The following LRCH2 variants were observed in gnomAD, a reference collection of about 807,000 sequenced individuals.
The protein encoded by LRCH2 is leucine rich repeats and calponin homology domain containing 2.
In LRCH2, 38 loss-of-function variants were observed where a neutral mutation model predicts 68.9. That is an observed-to-expected ratio of 0.55 (90% confidence interval 0.43 to 0.72). The LOEUF is 0.72. LRCH2 is among the 30% of genes least tolerant of loss of function. The pLI is 0.00. For synonymous variants in LRCH2, 191 were observed against 208.1 expected, an observed-to-expected ratio of 0.92 and a Z score of 0.71; for missense variants, 528 against 572.9, an observed-to-expected ratio of 0.92 and a Z score of 0.80.
intron 1 of LRCH2, among the ~76,000 whole-genome samples, chrX:115,193,500 T>C (rs1196218250): frequency 8.9e-6 from 1 of 112,057 alleles, no homozygotes; most frequent in Non-Finnish European, 1.9e-5. Flanking sequence ...ATTCCTCTCC[T>C]AAATTATTGC....
rs1343059040 is a variant in LRCH2, at chrX:115,110,772, C to T, written c.*2444G>A. The T allele has an allele frequency of 8.9e-6, 1 of 112,043 alleles. No individual in the cohort carries two copies. The highest frequency in any genetic ancestry group is 1.9e-5 in the Non-Finnish European group (1 of 53,180). 9.2% of individuals were successfully genotyped at this position (112,043 alleles called of 1,213,427 possible). On this transcript the variant is annotated 3_prime_UTR_variant, in exon 21 of 21. Transcript: ENST00000317135. ...AAATTCAGTTAAAAAAGTCATTAAACTAGCATTCTGTAAAGATAATTATTA... is the reference window on the plus strand; with the variant it reads ...AAATTCAGTTAAAAAAGTCATTAAATTAGCATTCTGTAAAGATAATTATTA...
chrX:115,183,297 C>T (rs1371764186), intron 3 of LRCH2, among the ~76,000 whole-genome samples: 1 of 111,804 alleles, frequency 8.9e-6, no homozygotes, highest in Non-Finnish European at 1.9e-5. Flanking sequence ...AATTTCTGCT[C>T]ATTACATTCT....
intron 7 of LRCH2, 86 bp downstream of exon 7, chrX:115,166,169 A>C (rs782185581): frequency 4.1e-6 from 3 of 739,464 alleles, no homozygotes; most frequent in Non-Finnish European, 6.0e-6. Flanking sequence ...TTCAAGCAAA[A>C]TAAACTCAAG....
At chrX:115,190,709 A>T (rs1556557973) in intron 1 of LRCH2, 1 of 1,077,451 alleles carries the variant, frequency 9.3e-7, no homozygotes. Context: ...GAAGGCCGCT[A>T]TGAGGAGTAC....
chrX:115,171,772 G>A (rs956899913), intron 5 of LRCH2, among the ~76,000 whole-genome samples: 3 of 107,799 alleles, frequency 2.8e-5, no homozygotes, highest in East Asian at 2.9e-4. Flanking sequence ...CTGCACCCTC[G>A]ACATCCTGGG....
chrX:115,183,053 T>C (rs782140141), intron 3 of LRCH2, among the ~76,000 whole-genome samples: 1 of 108,610 alleles, frequency 9.2e-6, no homozygotes, highest in Non-Finnish European at 1.9e-5. Flanking sequence ...CAGTCACGCA[T>C]GCACACGCAC....
At chrX:115,146,723 A>G (rs1391176401) in intron 14 of LRCH2, among the ~76,000 whole-genome samples, 4 of 110,202 alleles carry the variant, frequency 3.6e-5, no homozygotes, top group Non-Finnish European at 7.6e-5. Flanking sequence ...AAAAGAGTCA[A>G]TGTAACTTTC....
chrX:115,137,576 T>C (rs781999949), intron 14 of LRCH2, among the ~76,000 whole-genome samples: 54 of 110,695 alleles, frequency 4.9e-4, no homozygotes, highest in African/African-American at 1.6e-3. Flanking sequence ...GTGGTCATCA[T>C]TGTCAAATGC....
chrX:115,232,131 G>A (rs2073156412), intron 1 of LRCH2, among the ~76,000 whole-genome samples: 1 of 110,459 alleles, frequency 9.1e-6, no homozygotes, highest in African/African-American at 3.3e-5. Flanking sequence ...GAGCATTTTG[G>A]GGAATAAGGT....
At chrX:115,150,206 T>C in intron 12 of LRCH2, 136 bp from the exon 13 acceptor site, 1 of 456,010 alleles carries the variant, frequency 2.2e-6, no homozygotes, top group Non-Finnish European at 3.5e-6. Flanking sequence ...CCTAACAACA[T>C]AAAACTTAAA....
chrX:115,199,336 G>A (rs1436176358), intron 1 of LRCH2, among the ~76,000 whole-genome samples: 1 of 111,597 alleles, frequency 9.0e-6, no homozygotes, highest in Non-Finnish European at 1.9e-5. Flanking sequence ...TGAATTAAAT[G>A]CCCCATTTAA....
At chrX:115,174,258 C>T (rs1180782591) in intron 5 of LRCH2, among the ~76,000 whole-genome samples, 2 of 111,007 alleles carry the variant, frequency 1.8e-5, no homozygotes, top group Admixed American at 9.7e-5. Context: ...TAACAAATTT[C>T]AAGTAAATAC....
chrX:115,206,686 T>C (rs1489706883), intron 1 of LRCH2, among the ~76,000 whole-genome samples: 1 of 111,475 alleles, frequency 9.0e-6, no homozygotes, highest in Non-Finnish European at 1.9e-5. Flanking sequence ...GACTCTCAGC[T>C]CTGAAGGCTG....
intron 1 of LRCH2, among the ~76,000 whole-genome samples, chrX:115,217,599 G>T (rs1285331714): frequency 8.9e-6 from 1 of 111,976 alleles, no homozygotes; most frequent in African/African-American, 3.3e-5. Context: ...TGGTATATAT[G>T]TGCCACATTT....
intron 1 of LRCH2, among the ~76,000 whole-genome samples, chrX:115,212,488 G>A (rs2073014437): frequency 8.9e-6 from 1 of 111,792 alleles, no homozygotes; most frequent in South Asian, 3.8e-4. Context: ...CTTTGCTTTG[G>A]TTTGTTTCTG....
intron 1 of LRCH2, among the ~76,000 whole-genome samples, chrX:115,207,250 A>T (rs2072974952): frequency 8.9e-6 from 1 of 111,841 alleles, no homozygotes; most frequent in Non-Finnish European, 1.9e-5. Flanking sequence ...GGGAAAAAAA[A>T]ACAGCTGGGT....
intron 14 of LRCH2, among the ~76,000 whole-genome samples, chrX:115,142,358 T>C (rs2072346856): frequency 2.7e-5 from 3 of 112,104 alleles, no homozygotes; most frequent in Admixed American, 9.4e-5. Flanking sequence ...GGCTACAGAA[T>C]ATATGTTCTT....
At chrX:115,142,824 G>A (rs782729015) in intron 14 of LRCH2, among the ~76,000 whole-genome samples, 3 of 111,844 alleles carry the variant, frequency 2.7e-5, no homozygotes, top group Non-Finnish European at 5.6e-5. Flanking sequence ...AACAGCCCAG[G>A]TGTCATGGCT....
chrX:115,161,968 G>A (rs1021437290), intron 11 of LRCH2, among the ~76,000 whole-genome samples: 2 of 89,661 alleles, frequency 2.2e-5, no homozygotes, highest in Non-Finnish European at 4.2e-5. Context: ...CACCCAGGCT[G>A]GAGTGCAGTG....
Sources: allele counts gnomAD v4.1 joint callset (sites outside exome capture counted in the v4.1 genomes callset), GRCh38; gene constraint gnomAD v4.1.1; transcripts MANE v1.5; gene names NCBI Gene and HGNC (gene_info 2026-07-23, HGNC 2026-07-21).